Variants in ZBTB20 observed in about 807,000 individuals in gnomAD.
ZBTB20 encodes zinc finger and BTB domain containing 20.
A neutral mutation model predicts 56.9 loss-of-function variants in ZBTB20; 9 were observed. The ratio of observed to expected loss-of-function variants is 0.16; its 90% CI spans 0.10 to 0.28. The LOEUF (loss-of-function observed/expected upper bound fraction) is 0.28, where lower values mean the gene tolerates loss of function less well. Ranked by LOEUF, ZBTB20 falls within the 10% of genes least tolerant of loss-of-function variation. ZBTB20 has a pLI of 1.00. For missense variants in ZBTB20, 655 were observed against 1,003.0 expected, an observed-to-expected ratio of 0.65 and a Z score of 4.69; for synonymous variants, 417 against 420.7, an observed-to-expected ratio of 0.99 and a Z score of 0.11.
intron 4 of ZBTB20, among the ~76,000 whole-genome samples, chr3:114,841,389 T>A (rs982825426): frequency 6.6e-6 from 1 of 152,148 alleles, no homozygotes; most frequent in East Asian, 1.9e-4. Flanking sequence ...ACGTTTAGTA[T>A]GACTAGAGCA....
chr3:114,735,025 T>C (rs78182595), intron 5 of ZBTB20, among the ~76,000 whole-genome samples: 1 of 144,054 alleles, frequency 6.9e-6, no homozygotes, highest in Admixed American at 7.0e-5. Context: ...GGAATAGTTC[T>C]TTTTTTTTTT....
chr3:114,638,838 GA>G (rs1390279491), intron 6 of ZBTB20, among the ~76,000 whole-genome samples: 1 of 151,970 alleles, frequency 6.6e-6, no homozygotes, highest in East Asian at 1.9e-4. Flanking sequence ...CATATTTTAA[GA>G]AATAAGACAG....
intron 8 of ZBTB20, among the ~76,000 whole-genome samples, chr3:114,385,672 T>C (rs954889745): frequency 2.0e-5 from 3 of 152,082 alleles, no homozygotes; most frequent in Admixed American, 6.5e-5. Context: ...ATCGAGACAA[T>C]CCTGGCCAAC....
At position 114,487,902 on chromosome 3, in the gene ZBTB20, C is replaced by A. The variant is rs575232610; in HGVS notation, c.-255+12450G>T. Reference sequence around the variant, plus strand: ...TTTATTTATGAGAACATCCAGAAATCTCTATCTACATCTGGGAGAAGAATA... The same window carrying A: ...TTTATTTATGAGAACATCCAGAAATATCTATCTACATCTGGGAGAAGAATA... On this transcript the variant is annotated intron_variant, in intron 7 of 11. Coordinates refer to ENST00000675478, the MANE Select transcript of ZBTB20 (RefSeq NM_001348800.3). Among the ~76,000 whole-genome samples the A allele has an allele frequency of 1.2e-4, 18 of 152,304 alleles. No homozygotes were observed. The South Asian group carries it at 2.1e-3, about 18-fold the overall frequency.
At chr3:114,716,965 C>T (rs2064524800) in intron 5 of ZBTB20, among the ~76,000 whole-genome samples, 1 of 151,852 alleles carries the variant, frequency 6.6e-6, no homozygotes. Flanking sequence ...ATAAACAAAA[C>T]AAAACAAAAC....
chr3:114,909,631 A>G (rs1188562584), intron 3 of ZBTB20, among the ~76,000 whole-genome samples: 1 of 151,964 alleles, frequency 6.6e-6, no homozygotes, highest in Non-Finnish European at 1.5e-5. Context: ...TATAAGCAAA[A>G]GACTATACCA....
chr3:114,486,945 C>T (rs908502488), intron 7 of ZBTB20, among the ~76,000 whole-genome samples: 10 of 152,010 alleles, frequency 6.6e-5, no homozygotes, highest in African/African-American at 2.4e-4. Flanking sequence ...AGAGACTACA[C>T]AAAGAGACCA....
At chr3:115,104,995 G>A (rs994730066) in intron 1 of ZBTB20, among the ~76,000 whole-genome samples, 4 of 152,004 alleles carry the variant, frequency 2.6e-5, no homozygotes, top group Non-Finnish European at 5.9e-5. Context: ...CCTCCCCATC[G>A]ATTTTACTAT....
At chr3:114,822,496 A>G (rs2073309981) in intron 4 of ZBTB20, among the ~76,000 whole-genome samples, 1 of 152,068 alleles carries the variant, frequency 6.6e-6, no homozygotes, top group African/African-American at 2.4e-5. Context: ...GGATGATACA[A>G]TGATAAGACC....
At chr3:114,801,497 T>G (rs149841954) in intron 4 of ZBTB20, among the ~76,000 whole-genome samples, 1 of 151,538 alleles carries the variant, frequency 6.6e-6, no homozygotes, top group Non-Finnish European at 1.5e-5. Context: ...TTTAGCTATA[T>G]TCTGATTAAA....
chr3:114,919,795 A>G (rs1463063076), intron 3 of ZBTB20, among the ~76,000 whole-genome samples: 1 of 152,200 alleles, frequency 6.6e-6, no homozygotes, highest in Non-Finnish European at 1.5e-5. Context: ...TTAAATGTAA[A>G]TGGATTAAAT....
At chr3:114,399,500 A>C (rs1382973322) in intron 7 of ZBTB20, among the ~76,000 whole-genome samples, 1 of 152,198 alleles carries the variant, frequency 6.6e-6, no homozygotes, top group Admixed American at 6.5e-5. Flanking sequence ...GGTTATTAGT[A>C]GTAATCAATA....
intron 6 of ZBTB20, among the ~76,000 whole-genome samples, chr3:114,628,567 C>T (rs538088915): frequency 4.6e-5 from 7 of 152,116 alleles, no homozygotes; most frequent in Non-Finnish European, 1.0e-4. Flanking sequence ...GGCAGCAATG[C>T]AGTTCTTATT....
intron 4 of ZBTB20, among the ~76,000 whole-genome samples, chr3:114,888,166 C>G (rs1372961920): frequency 6.6e-6 from 1 of 151,710 alleles, no homozygotes; most frequent in East Asian, 1.9e-4. Flanking sequence ...GCCTGTAAAT[C>G]CAGCACTTTG....
At chr3:114,469,130 T>A (rs942430587) in intron 7 of ZBTB20, among the ~76,000 whole-genome samples, 1 of 152,090 alleles carries the variant, frequency 6.6e-6, no homozygotes, top group Non-Finnish European at 1.5e-5. Flanking sequence ...TTTAAAAAAT[T>A]CTATCTGCTA....
At position 114,318,586 on chromosome 3, in the gene ZBTB20, C is replaced by A. The variant is rs1006839256; in HGVS notation, c.*20419G>T. 6 of 152,196 alleles carry A rather than the reference C, an allele frequency of 3.9e-5. No homozygotes were observed. Among genetic ancestry groups the A allele is most frequent in the African/African-American group, 1.4e-4 (6 of 41,426 alleles). The allele number at this position is 152,196 out of a possible 1,614,324, so 9.4% of individuals were successfully genotyped here. A position where few individuals can be genotyped will look rare whatever the true frequency, so the allele number is the denominator to read the frequency against. On this transcript the variant is annotated 3_prime_UTR_variant, in exon 12 of 12. Transcript: ENST00000675478. Reference sequence around the variant, plus strand: ...TTCGTGAGACCTCAACTCTCAGGCTCACCACCTTTATGCCTCTCTTTGCAT... The same window carrying A: ...TTCGTGAGACCTCAACTCTCAGGCTAACCACCTTTATGCCTCTCTTTGCAT...
At chr3:114,837,867 CT>C (rs1311398016) in intron 4 of ZBTB20, among the ~76,000 whole-genome samples, 2 of 152,000 alleles carry the variant, frequency 1.3e-5, no homozygotes, top group Admixed American at 6.6e-5. Context: ...CCAGTACATT[CT>C]TAGTGTTCAG....
chr3:114,790,590 C>T (rs1280545574), intron 5 of ZBTB20, among the ~76,000 whole-genome samples: 2 of 147,132 alleles, frequency 1.4e-5, no homozygotes, highest in African/African-American at 5.2e-5. Context: ...AATCAGTATA[C>T]TTTTTTTTTT....
Position 114,776,067 on chromosome 3 carries a change from G to A in ZBTB20, c.-343+25034C>T, listed in dbSNP as rs74636306. Among the ~76,000 whole-genome samples the A allele has an allele frequency of 7.0e-3, 1,034 of 147,530 alleles. 17 individuals carry two copies. Among genetic ancestry groups the A allele is most frequent in the African/African-American group, 0.024 (962 of 39,654 alleles). On this transcript the variant is annotated intron_variant, in intron 5 of 11. Transcript: ENST00000675478. ...TTTTTTTTACTAACATACAAAGTGC[G>A]GACAGGAAAGTTAAGCCTTTGGACA...
Sources: gnomAD v4.1 joint callset for allele counts (sites outside exome capture counted in the v4.1 genomes callset) on GRCh38, gnomAD v4.1.1 for gene constraint, MANE v1.5 for transcripts, NCBI Gene and HGNC (gene_info 2026-07-23, HGNC 2026-07-21) for gene names.